Variants in PFKFB3 observed in about 807,000 individuals in gnomAD.
The protein encoded by PFKFB3 is 6-phosphofructo-2-kinase/fructose-2,6-biphosphatase 3.
A neutral mutation model predicts 68.0 loss-of-function variants in PFKFB3; 33 were observed. The ratio of observed to expected loss-of-function variants is 0.49; its 90% CI spans 0.37 to 0.65. PFKFB3 has a LOEUF of 0.65. Ranked by LOEUF, PFKFB3 falls within the 30% of genes least tolerant of loss-of-function variation. PFKFB3 has a pLI of 0.00. For synonymous variants in PFKFB3, 315 were observed against 288.2 expected (o/e 1.09, Z -0.94); for missense variants, 586 against 712.2 (o/e 0.82, Z 2.02).
chr10:6,235,747 TA>T (rs1422111693), downstream of PFKFB3, among the ~76,000 whole-genome samples: 1 of 150,370 alleles, frequency 6.7e-6, no homozygotes, highest in Non-Finnish European at 1.5e-5. Flanking sequence ...TTTTTATTTT[TA>T]ATTTAATTTT....
At chr10:6,144,985 C>A in exon 1 of PFKFB3, 1 of 1,301,386 alleles carries the variant, frequency 7.7e-7, no homozygotes, top group Non-Finnish European at 9.8e-7. Flanking sequence ...CCGCGGGGAG[C>A]GCCCCCGGCG....
intron 14 of PFKFB3, among the ~76,000 whole-genome samples, chr10:6,243,800 T>C (rs1180542667): frequency 6.6e-6 from 1 of 152,206 alleles, no homozygotes; most frequent in Non-Finnish European, 1.5e-5. Context: ...TATAGCTCAT[T>C]GCAACCTTCA....
rs1845576675 is a variant in PFKFB3, at chr10:6,229,315, G to C, written c.1515+2950G>C. On this transcript the variant is annotated intron_variant, in intron 14 of 14. Transcript: ENST00000379775. The surrounding 1 kb of genome is among the most constrained non-coding windows in gnomAD (Gnocchi z 4.3). ...AGTCAGTCCCCCGTTTAATGGTTGA[G>C]GGGCTGAGTGACCGGCCCGTGCTTC... 1 of 375,054 alleles carries C rather than the reference G, an allele frequency of 2.7e-6. No homozygotes were observed. The highest frequency in any genetic ancestry group is 5.5e-6 in the Non-Finnish European group (1 of 181,410). The allele number at this position is 375,054 out of a possible 1,614,324, so 23.2% of individuals were successfully genotyped here.
At chr10:6,264,745 C>A in the PFKFB3 span, among the ~76,000 whole-genome samples, 7 of 152,116 alleles carry the variant, frequency 4.6e-5, no homozygotes, top group East Asian at 1.4e-3. Flanking sequence ...TCTCTCTATA[C>A]GTGTATGTTA....
At chr10:6,303,059 C>G in the PFKFB3 span, among the ~76,000 whole-genome samples, 1 of 151,944 alleles carries the variant, frequency 6.6e-6, no homozygotes, top group Non-Finnish European at 1.5e-5. Context: ...TAAGATCAAG[C>G]GTAGGACTGG....
At position 6,203,271 on chromosome 10, in the gene PFKFB3, A is replaced by G. The variant is rs1190346617; in HGVS notation, c.11A>G (p.Glu4Gly). Residue 4 changes from glutamate to glycine, a missense_variant, in exon 1 of 15, where the codon GAA (glutamate) becomes GGA (glycine). By Grantham distance (98) the Glu-to-Gly change is moderately conservative. Coordinates refer to ENST00000379775, the MANE Select transcript of PFKFB3 (RefSeq NM_004566.4). ...GGCGCAGCCGCGAAGATGCCGTTGG[A>G]ACTGACGCAGAGCCGAGTGCAGAAG... MPL[E>G]LTQSRVQKIW... 6.2e-7 allele frequency: 1 copy of G among 1,610,198 alleles called. No homozygotes were observed. Among genetic ancestry groups the G allele is most frequent in the East Asian group, 2.2e-5 (1 of 44,690 alleles).
Position 6,203,253 on chromosome 10 carries a change from C to T in PFKFB3, c.-8C>T. On this transcript the variant is annotated 5_prime_UTR_variant, in exon 1 of 15. Transcript: ENST00000379775. ...CCGGGAGGCGGGCCGTCGGGCGCAG[C>T]CGCGAAGATGCCGTTGGAACTGACG... 6.2e-7 allele frequency: 1 copy of T among 1,607,562 alleles called. No individual in the cohort carries two copies.
the PFKFB3 span, among the ~76,000 whole-genome samples, chr10:6,280,236 T>G: frequency 6.6e-6 from 1 of 152,352 alleles, no homozygotes; most frequent in Admixed American, 6.5e-5. Context: ...GGTGACATAG[T>G]CCTTTATTAA....
intron 1 of PFKFB3, among the ~76,000 whole-genome samples, chr10:6,150,610 G>A (rs540545048): frequency 6.6e-6 from 1 of 152,312 alleles, no homozygotes; most frequent in East Asian, 1.9e-4. Flanking sequence ...GGGCGACAGA[G>A]CGAGACTGTC....
At chr10:6,299,085 CT>C in the PFKFB3 span, among the ~76,000 whole-genome samples, 1 of 152,226 alleles carries the variant, frequency 6.6e-6, no homozygotes, top group Middle Eastern at 3.4e-3. Flanking sequence ...CCTTTAAATT[CT>C]GTTTTTCCTG....
At chr10:6,155,032 T>C (rs1334363786) in intron 1 of PFKFB3, among the ~76,000 whole-genome samples, 1 of 152,142 alleles carries the variant, frequency 6.6e-6, no homozygotes, top group African/African-American at 2.4e-5. Flanking sequence ...AAAAGTCCAC[T>C]GTGCCCCAGG....
At chr10:6,263,773 C>T in the PFKFB3 span, among the ~76,000 whole-genome samples, 1 of 152,204 alleles carries the variant, frequency 6.6e-6, no homozygotes, top group Non-Finnish European at 1.5e-5. Flanking sequence ...GCAACCTCTG[C>T]CTCCTGGGCC....
At chr10:6,168,831 C>T (rs1445634251) in intron 1 of PFKFB3, among the ~76,000 whole-genome samples, 1 of 152,180 alleles carries the variant, frequency 6.6e-6, no homozygotes, top group Non-Finnish European at 1.5e-5. Context: ...CGAGGCAGCC[C>T]CAGTGGTCTG....
intron 1 of PFKFB3, among the ~76,000 whole-genome samples, chr10:6,156,219 T>C (rs908023094): frequency 6.6e-6 from 1 of 151,524 alleles, no homozygotes; most frequent in South Asian, 2.1e-4. Flanking sequence ...AGTGGCACGA[T>C]CATGGCTCAC....
intron 1 of PFKFB3, among the ~76,000 whole-genome samples, chr10:6,183,092 C>T (rs1436733580): frequency 2.0e-5 from 3 of 152,180 alleles, no homozygotes; most frequent in Admixed American, 1.3e-4. Flanking sequence ...TCTGTTCTCC[C>T]TGGAGTTGCA....
At chr10:6,300,794 C>T in the PFKFB3 span, among the ~76,000 whole-genome samples, 3 of 152,154 alleles carry the variant, frequency 2.0e-5, no homozygotes, top group Non-Finnish European at 2.9e-5. Context: ...CTCCTAGATT[C>T]CTTCCTGGGT....
upstream of PFKFB3, among the ~76,000 whole-genome samples, chr10:6,199,743 C>T (rs781353215): frequency 4.3e-5 from 6 of 139,880 alleles, no homozygotes; most frequent in Middle Eastern, 4.2e-3. Flanking sequence ...TCAAGCAATC[C>T]GTCCGCCTGA....
chr10:6,291,453 G>A, the PFKFB3 span, among the ~76,000 whole-genome samples: 8 of 151,914 alleles, frequency 5.3e-5, no homozygotes, highest in East Asian at 1.6e-3. Flanking sequence ...TCAAGAGGCT[G>A]AGGCAGGAGA....
rs79014899 is a variant in PFKFB3, at chr10:6,194,408, C to T, written c.17-19215C>T. On this transcript the variant is annotated intron_variant, in intron 1 of 14. Coordinates refer to the PFKFB3 transcript ENST00000379789. ...ACTTTTGAAAACTATGTTTCCGCTG[C>T]GCTAAAGTCTAGGAGCGGGCTCCTT... Among the ~76,000 whole-genome samples the T allele has an allele frequency of 1.3e-3, 204 of 152,312 alleles. 1 individual carries two copies. Among genetic ancestry groups the T allele is most frequent in the African/African-American group, 4.4e-3 (181 of 41,560 alleles).
Sources: gnomAD v4.1 joint callset for allele counts (sites outside exome capture counted in the v4.1 genomes callset) on GRCh38, gnomAD v4.1.1 for gene constraint, Gnocchi (gnomAD v3.1) non-coding constraint, MANE v1.5 for transcripts, NCBI Gene and HGNC (gene_info 2026-07-23, HGNC 2026-07-21) for gene names.